AFF3: variants seen among roughly 807,000 people sequenced by gnomAD.
AFF3 encodes the protein ALF transcription elongation factor 3, also known as AF4/FMR2 family member 3.
In AFF3, 32 loss-of-function variants were observed where a neutral mutation model predicts 129.7. That is an observed-to-expected ratio of 0.25 (90% CI 0.19 to 0.33). AFF3 has a LOEUF of 0.33. Among genes scored for constraint, AFF3 ranks in the 10% least tolerant of loss-of-function variants. The pLI is 1.00. For missense variants in AFF3, 1,373 were observed against 1,592.0 expected (o/e 0.86, Z 2.34); for synonymous variants, 644 against 635.4 (o/e 1.01, Z -0.20).
chr2:100,009,035 G>T, intron 4 of AFF3, 103 bp from the exon 5 acceptor site: 1 of 1,444,056 alleles, frequency 6.9e-7, no homozygotes, highest in East Asian at 2.4e-5. Context: ...GTGGACAAAT[G>T]GTGATGACAA....
At position 99,550,897 on chromosome 2, in the gene AFF3, A is replaced by T; in HGVS notation, c.*577T>A. ...AATCTAGTAAACTTCCGGCACAAAA[A>T]TACCTGGCTTATTTTCATTATTCAA... On this transcript the variant is annotated 3_prime_UTR_variant, in exon 25 of 25. Coordinates refer to ENST00000672756, the MANE Select transcript of AFF3 (RefSeq NM_001386135.1). The T allele has an allele frequency of 3.9e-6, 1 of 257,126 alleles. No individual in the cohort carries two copies. Among genetic ancestry groups the T allele is most frequent in the Non-Finnish European group, 7.4e-6 (1 of 134,700 alleles). The allele number at this position is 257,126 out of a possible 1,614,324, so 15.9% of individuals were successfully genotyped here.
intron 10 of AFF3, among the ~76,000 whole-genome samples, chr2:99,733,108 G>A (rs983404959): frequency 5.9e-5 from 9 of 151,954 alleles, no homozygotes; most frequent in African/African-American, 1.9e-4. Flanking sequence ...GGCCGGGCGC[G>A]GTAGTTCATG....
chr2:99,808,194 C>T (rs1428796033), intron 8 of AFF3, among the ~76,000 whole-genome samples: 1 of 152,164 alleles, frequency 6.6e-6, no homozygotes, highest in Non-Finnish European at 1.5e-5. Context: ...CTAAACACCA[C>T]TCTCAAGGTT....
chr2:99,944,627 T>A (rs183668061), intron 7 of AFF3, among the ~76,000 whole-genome samples: 1 of 152,226 alleles, frequency 6.6e-6, no homozygotes, highest in Non-Finnish European at 1.5e-5. Flanking sequence ...TCTACTACTT[T>A]TTGTTTTTTT....
rs146013609 is a variant in AFF3, at chr2:99,673,017, C to T, written c.1092-428G>A. Reference sequence around the variant, plus strand: ...TGAATCCCTGTATCAAAATATCACACGTACCTGAAAATAGCAATAAAAAAG... The same window carrying T: ...TGAATCCCTGTATCAAAATATCACATGTACCTGAAAATAGCAATAAAAAAG... On this transcript the variant is annotated intron_variant, in intron 11 of 24. Coordinates refer to ENST00000672756, the MANE Select transcript of AFF3 (RefSeq NM_001386135.1). Among the ~76,000 whole-genome samples the T allele has an allele frequency of 2.0e-3, 296 of 151,222 alleles. 1 individual carries two copies. The highest frequency in any genetic ancestry group is 6.9e-3 in the African/African-American group (284 of 41,252).
chr2:99,582,177 T>C (rs1365073162), intron 17 of AFF3, among the ~76,000 whole-genome samples: 1 of 152,132 alleles, frequency 6.6e-6, no homozygotes, highest in Non-Finnish European at 1.5e-5. Context: ...TGATATTGTC[T>C]CTTTTAAGTC....
At chr2:100,003,107 G>A (rs10207023) in intron 7 of AFF3, among the ~76,000 whole-genome samples, 1 of 147,482 alleles carries the variant, frequency 6.8e-6, no homozygotes. Context: ...GGAGTTGGGG[G>A]TCGGGGGGGT....
At chr2:99,786,286 T>C (rs1684785865) in intron 8 of AFF3, among the ~76,000 whole-genome samples, 1 of 152,158 alleles carries the variant, frequency 6.6e-6, no homozygotes, top group Non-Finnish European at 1.5e-5. Context: ...ATAACGGTAT[T>C]TGACTCATGA....
At chr2:100,106,490 G>C in intron 2 of AFF3, 1 of 1,001,350 alleles carries the variant, frequency 1.0e-6, no homozygotes, top group Non-Finnish European at 1.2e-6. Flanking sequence ...CATACGCCTT[G>C]TTGGAAATGT....
chr2:99,670,747 C>G (rs936499515), intron 12 of AFF3, among the ~76,000 whole-genome samples: 4 of 152,132 alleles, frequency 2.6e-5, no homozygotes, highest in Non-Finnish European at 5.9e-5. Flanking sequence ...CTATCATACG[C>G]AAAACCACTG....
At chr2:100,132,196 T>C (rs539559318) in intron 1 of AFF3, among the ~76,000 whole-genome samples, 1 of 152,326 alleles carries the variant, frequency 6.6e-6, no homozygotes, top group East Asian at 1.9e-4. Flanking sequence ...TTAAGAACAA[T>C]GTGTTATATG....
At chr2:100,106,714 G>A in intron 2 of AFF3, 1 of 985,974 alleles carries the variant, frequency 1.0e-6, no homozygotes, top group South Asian at 4.7e-5. Flanking sequence ...CCGGGATCTG[G>A]CTTTCCTTCC....
chr2:99,816,121 A>G lies in AFF3; in HGVS notation c.921+21356T>C, dbSNP rs146764417. On this transcript the variant is annotated intron_variant, in intron 8 of 24. Transcript: ENST00000672756. The stretch of plus-strand genomic sequence containing the variant: ...TATCTTCATGCTCACTGATTGTTCA[A>G]TGATGTCCAGTCTATTGATGAACTC... Among the ~76,000 whole-genome samples, 915 of 151,664 alleles carry G rather than the reference A, an allele frequency of 6.0e-3. 9 individuals are homozygous for G. The highest frequency in any genetic ancestry group is 0.031 in the Middle Eastern group (9 of 294).
At chr2:100,140,766 C>A (rs1244511247) in intron 1 of AFF3, among the ~76,000 whole-genome samples, 3 of 152,150 alleles carry the variant, frequency 2.0e-5, no homozygotes. Flanking sequence ...GTTCCTCTCA[C>A]AAGCAGGCCT....
intron 2 of AFF3, among the ~76,000 whole-genome samples, chr2:100,121,583 A>G (rs1015307173): frequency 6.6e-6 from 1 of 152,212 alleles, no homozygotes; most frequent in South Asian, 2.1e-4. Flanking sequence ...GAGCTGGCCA[A>G]GCTTTTCAGC....
chr2:99,902,911 T>G (rs768898478), intron 7 of AFF3, among the ~76,000 whole-genome samples: 8 of 152,172 alleles, frequency 5.3e-5, no homozygotes, highest in Non-Finnish European at 1.0e-4. Flanking sequence ...GAATCCCATT[T>G]TATCTACTAA....
At chr2:99,560,305 G>C in intron 21 of AFF3, 60 bp downstream of exon 21, 1 of 1,558,678 alleles carries the variant, frequency 6.4e-7, no homozygotes, top group Non-Finnish European at 8.8e-7. Flanking sequence ...TCAGCACCTG[G>C]TTTGCCAATG....
At chr2:99,951,262 G>A (rs911886802) in intron 7 of AFF3, among the ~76,000 whole-genome samples, 13 of 151,946 alleles carry the variant, frequency 8.6e-5, no homozygotes, top group Non-Finnish European at 1.3e-4. Flanking sequence ...AATAACTTAC[G>A]GTTTCTGCAA....
chr2:99,781,896 G>GA (rs150632454), intron 8 of AFF3, among the ~76,000 whole-genome samples: 78 of 149,052 alleles, frequency 5.2e-4, no homozygotes, highest in Middle Eastern at 3.5e-3. Context: ...TCCAAATAAA[G>GA]AAAAAAAAAA....
Sources: gnomAD v4.1 joint callset for allele counts (sites outside exome capture counted in the v4.1 genomes callset) on GRCh38, gnomAD v4.1.1 for gene constraint, MANE v1.5 for transcripts, NCBI Gene and HGNC (gene_info 2026-07-23, HGNC 2026-07-21) for gene names.